Variants in PRH1 observed in about 807,000 individuals in gnomAD.
PRH1 encodes the protein proline rich protein HaeIII subfamily 1.
A neutral mutation model predicts 7.9 loss-of-function variants in PRH1; 7 were observed. That is an observed-to-expected ratio of 0.89 (90% CI 0.50 to 1.67). The LOEUF is 1.67. Ranked by LOEUF, PRH1 falls within the 40% of genes most tolerant of loss-of-function variation. PRH1 has a pLI of 0.00. For synonymous variants in PRH1, 45 were observed against 80.8 expected (o/e 0.56, Z 2.38); for missense variants, 109 against 223.6 (o/e 0.49, Z 3.27).
chr12:11,011,156 T>C (rs561503171), intron 1 of PRH1, among the ~76,000 whole-genome samples: 15 of 152,178 alleles, frequency 9.9e-5, no homozygotes, highest in South Asian at 4.1e-4. Flanking sequence ...CAAAAAAAGA[T>C]TGGTAATAAA....
Position 11,085,711 on chromosome 12 carries a change from C to G in PRH1, n.124-38523G>C, listed in dbSNP as rs551156483. ...TGTCCTTGTTATAAAATGTCTCATA[C>G]TGATGTTGAAGTGAAACCTGAATTC... On this transcript the variant is annotated intron_variant and non_coding_transcript_variant, in intron 1 of 4. Transcript: ENST00000541977. Among the ~76,000 whole-genome samples, 7 of 116,138 alleles carry G rather than the reference C, an allele frequency of 6.0e-5. 2 individuals are homozygous for G. The highest frequency in any genetic ancestry group is 5.2e-4 in the Admixed American group (6 of 11,618). 76.2% of individuals were successfully genotyped at this position (116,138 alleles called of 152,430 possible).
chr12:11,069,825 CCA>C, intron 1 of PRH1, among the ~76,000 whole-genome samples: 1 of 152,170 alleles, frequency 6.6e-6, no homozygotes. Context: ...TGAGCCAATT[CCA>C]AGAACAAGAA....
At chr12:11,050,088 C>A (rs371105914), upstream of PRH1, among the ~76,000 whole-genome samples, 3 of 150,854 alleles carry the variant, frequency 2.0e-5, no homozygotes, top group African/African-American at 7.3e-5. Flanking sequence ...CTGCCAAGAC[C>A]AGCTCGGTTG....
rs1451892074 is a variant in PRH1 at position 11,091,126 on chromosome 12, A to ATATATATATATATATG, written n.124-43939_124-43938insCATATATATATATATA. 2.4e-5 allele frequency among the ~76,000 whole-genome samples: 2 copies of ATATATATATATATATG among 84,980 alleles called. 1 individual carries two copies. The highest frequency in any genetic ancestry group is 7.4e-5 in the African/African-American group (2 of 27,130). 55.8% of individuals were successfully genotyped at this position (84,980 alleles called of 152,430 possible). A position where few individuals can be genotyped will look rare whatever the true frequency, so the allele number is the denominator to read the frequency against. ...CACACACACACACACATATATATAT[A>ATATATATATATATATG]TATATATATATATATATTTTCTAGA... On this transcript the variant is annotated intron_variant and non_coding_transcript_variant, in intron 1 of 4. Coordinates refer to the PRH1 transcript ENST00000541977.
chr12:11,171,230 CA>C (rs1187956353), intron 1 of PRH1: 2 of 552,448 alleles, frequency 3.6e-6, no homozygotes, highest in African/African-American at 1.9e-5. Flanking sequence ...GCGGCAGCGG[CA>C]AGCTTGGGTG....
chr12:10,895,090 C>T (rs1470783960), intron 2 of PRH1: 2 of 152,170 alleles, frequency 1.3e-5, no homozygotes, highest in African/African-American at 2.4e-5. Flanking sequence ...TACTAAAAGT[C>T]CTTGCCGCAA....
rs1555178216 is a variant in PRH1, at chr12:11,168,213, G to GGA, written n.39+3208_39+3209insTC. On this transcript the variant is annotated intron_variant and non_coding_transcript_variant, in intron 1 of 1. Coordinates refer to the PRH1 transcript ENST00000541175. ...CATGGCAAAAAACGAAAGAAAGAAA[G>GGA]AAGAAAGAAAGAAAGAAAGAAAGAA... Among the ~76,000 whole-genome samples, 167 of 19,658 alleles carry GGA rather than the reference G, an allele frequency of 8.5e-3. 48 individuals carry two copies. Among genetic ancestry groups the GGA allele is most frequent in the Non-Finnish European group, 0.017 (137 of 8,188 alleles). 12.9% of individuals were successfully genotyped at this position (19,658 alleles called of 152,430 possible).
chr12:11,009,064 C>T (rs67443370), intron 1 of PRH1, among the ~76,000 whole-genome samples: 46,195 of 151,700 alleles, frequency 0.3, 8,881 homozygotes, highest in East Asian at 0.74. Flanking sequence ...TAAACATTCA[C>T]TTATAATTAT....
intron 1 of PRH1, among the ~76,000 whole-genome samples, chr12:11,025,125 C>T (rs1941843375): frequency 6.6e-6 from 1 of 151,158 alleles, no homozygotes; most frequent in South Asian, 2.1e-4. Context: ...TTTAGCCATT[C>T]TCCTGCCTCA....
At chr12:10,953,281 A>G (rs1358234525) in intron 2 of PRH1, among the ~76,000 whole-genome samples, 1 of 151,940 alleles carries the variant, frequency 6.6e-6, no homozygotes, top group Non-Finnish European at 1.5e-5. Context: ...AAAAGGCAGA[A>G]ATATGATTCA....
intron 1 of PRH1, among the ~76,000 whole-genome samples, chr12:11,135,458 C>A (rs1331487756): frequency 8.1e-6 from 1 of 123,486 alleles, no homozygotes; most frequent in Admixed American, 8.3e-5. Flanking sequence ...ACTCTAACGA[C>A]CTCCAAGATG....
At chr12:10,962,918 C>T (rs1024202373) in intron 2 of PRH1, among the ~76,000 whole-genome samples, 4 of 152,140 alleles carry the variant, frequency 2.6e-5, no homozygotes, top group Non-Finnish European at 5.9e-5. Flanking sequence ...TACAGGCTCC[C>T]GCCACCACGC....
intron 1 of PRH1, among the ~76,000 whole-genome samples, chr12:11,094,298 T>TGA (rs1491484619): frequency 9.0e-5 from 1 of 11,152 alleles, no homozygotes; most frequent in African/African-American, 3.1e-4. Context: ...CAAGACTCTG[T>TGA]CAAAAAAAAA....
chr12:10,987,979 C>T (rs1024833974), intron 1 of PRH1, among the ~76,000 whole-genome samples: 1 of 152,042 alleles, frequency 6.6e-6, no homozygotes, highest in African/African-American at 2.4e-5. Context: ...GAGATGGCTT[C>T]CATATTGGGG....
chr12:11,027,806 C>T (rs1189405203), intron 1 of PRH1, among the ~76,000 whole-genome samples: 1 of 152,126 alleles, frequency 6.6e-6, no homozygotes, highest in Non-Finnish European at 1.5e-5. Flanking sequence ...AGAGCAAATC[C>T]CTATGGAATT....
intron 1 of PRH1, among the ~76,000 whole-genome samples, chr12:11,106,616 T>TTTTTGATTAC (rs1945425722): frequency 6.6e-6 from 1 of 151,394 alleles, no homozygotes; most frequent in African/African-American, 2.4e-5. Context: ...TTTTTCTCTA[T>TTTTTGATTAC]TTAATTTATT....
intron 1 of PRH1, among the ~76,000 whole-genome samples, chr12:11,103,980 C>T (rs1483432519): frequency 2.0e-5 from 3 of 151,806 alleles, no homozygotes; most frequent in African/African-American, 7.3e-5. Flanking sequence ...ATCAGATAAT[C>T]ACACGTGTTT....
At chr12:11,033,836 G>A (rs962193478) in intron 1 of PRH1, among the ~76,000 whole-genome samples, 9 of 151,802 alleles carry the variant, frequency 5.9e-5, no homozygotes, top group Non-Finnish European at 8.8e-5. Flanking sequence ...GTTATAATGC[G>A]CACTTAGAAA....
intron 1 of PRH1, chr12:11,091,826 C>T: frequency 6.7e-7 from 1 of 1,503,236 alleles, no homozygotes; most frequent in South Asian, 1.1e-5. Flanking sequence ...TAGCAAAGGC[C>T]CCAACAACAT....
Sources: allele counts gnomAD v4.1 joint callset (sites outside exome capture counted in the v4.1 genomes callset), GRCh38; gene constraint gnomAD v4.1.1; transcripts MANE v1.5; gene names NCBI Gene and HGNC (gene_info 2026-07-23, HGNC 2026-07-21).